The following DNAH8 variants were observed in gnomAD, a reference collection of about 807,000 sequenced individuals.
DNAH8 encodes the protein dynein axonemal heavy chain 8.
In DNAH8, 382 loss-of-function variants were observed where a neutral mutation model predicts 562.1. That is an observed-to-expected ratio of 0.68 (90% CI 0.63 to 0.74). DNAH8 has a LOEUF of 0.74. Ranked by LOEUF, DNAH8 falls within the 30% of genes least tolerant of loss-of-function variation. The probability of loss-of-function intolerance (pLI) is 0.00; values close to 1 mark genes in which losing one functional copy is unlikely to be tolerated. For synonymous variants in DNAH8, 1,881 were observed against 1,919.4 expected, an observed-to-expected ratio of 0.98 and a Z score of 0.52; for missense variants, 5,203 against 5,620.4, an observed-to-expected ratio of 0.93 and a Z score of 2.37.
chr6:38,834,505 T>C, intron 31 of DNAH8, 74 bp from the exon 32 acceptor site: 3 of 1,012,734 alleles, frequency 3.0e-6, no homozygotes, highest in Non-Finnish European at 4.4e-6. Context: ...TAAATGGAAA[T>C]AATAGATAAA....
At chr6:38,942,460 G>C (rs548520025) in intron 79 of DNAH8, among the ~76,000 whole-genome samples, 15 of 152,298 alleles carry the variant, frequency 9.8e-5, no homozygotes, top group Admixed American at 7.2e-4. Flanking sequence ...CCTCCTGAGG[G>C]AGCTGAGAAG....
chr6:38,801,488 C>T (rs1329617422), intron 21 of DNAH8, among the ~76,000 whole-genome samples: 1 of 152,192 alleles, frequency 6.6e-6, no homozygotes, highest in Non-Finnish European at 1.5e-5. Context: ...ATTAGTGTGT[C>T]TGGTTCCTGA....
At chr6:38,903,193 G>A (rs1215628293) in intron 62 of DNAH8, among the ~76,000 whole-genome samples, 1 of 152,140 alleles carries the variant, frequency 6.6e-6, no homozygotes, top group Non-Finnish European at 1.5e-5. Context: ...GAATACCTGA[G>A]GCTGTGTAAT....
In DNAH8 at chr6:38,967,617, TA is replaced by T. The variant is rs201591966; in HGVS notation, c.12452-3969del. On this transcript the variant is annotated intron_variant, in intron 82 of 92. Transcript: ENST00000327475. Reference sequence around the variant, plus strand: ...TACATTGAAAACTAAAAAACATCATTAAAAAATTAAATACCTAAATAAATGG... The same window carrying T: ...TACATTGAAAACTAAAAAACATCATTAAAAATTAAATACCTAAATAAATGG... 4.2e-3 allele frequency among the ~76,000 whole-genome samples: 641 copies of T among 152,144 alleles called. 6 individuals carry two copies. Among genetic ancestry groups the T allele is most frequent in the African/African-American group, 0.015 (614 of 41,536 alleles).
At chr6:38,722,189 T>C (rs1427706442) in intron 1 of DNAH8, among the ~76,000 whole-genome samples, 1 of 152,220 alleles carries the variant, frequency 6.6e-6, no homozygotes, top group Non-Finnish European at 1.5e-5. Flanking sequence ...CTTTTCAGTG[T>C]GAACTTTCTG....
chr6:38,991,940 A>G (rs1002072017), intron 88 of DNAH8, among the ~76,000 whole-genome samples: 3 of 150,988 alleles, frequency 2.0e-5, no homozygotes, highest in South Asian at 2.1e-4. Flanking sequence ...TCTTCTCTAT[A>G]GTTTGTATCA....
chr6:38,915,540 A>AT (rs1781248570), intron 68 of DNAH8, among the ~76,000 whole-genome samples, 163 bp downstream of exon 68: 1 of 152,130 alleles, frequency 6.6e-6, no homozygotes, highest in African/African-American at 2.4e-5. Context: ...CTAAGTTCTA[A>AT]TTTTTTTAAA....
chr6:38,992,158 G>T (rs1042337382), intron 88 of DNAH8, among the ~76,000 whole-genome samples: 4 of 152,124 alleles, frequency 2.6e-5, no homozygotes, highest in Admixed American at 6.5e-5. Context: ...GTAGAGACAG[G>T]GTTTCTCCAT....
At position 38,875,612 on chromosome 6, in the gene DNAH8, T is replaced by C. The variant is rs759956029; in HGVS notation, c.7642T>C (p.Leu2548=). ...TCAGTCTCTCAATCTTCTGGAAGGGTTAATTCCCTCCAAAGAAGAAGGCGG... is the reference window on the plus strand; with the variant it reads ...TCAGTCTCTCAATCTTCTGGAAGGGCTAATTCCCTCCAAAGAAGAAGGCGG... ...IVQSLNLLEG[L]IPSKEEGGVS... The change falls in exon 53 of 93, where the codon TTA becomes CTA. Residue 2548 remains leucine, a synonymous_variant. Transcript: ENST00000327475. 6.2e-7 allele frequency: 1 copy of C among 1,609,440 alleles called. No homozygotes were observed. The highest frequency in any genetic ancestry group is 2.2e-5 in the East Asian group (1 of 44,786).
chr6:38,881,550 T>G (rs1461072946), intron 53 of DNAH8, among the ~76,000 whole-genome samples: 1 of 27,196 alleles, frequency 3.7e-5, no homozygotes, highest in Non-Finnish European at 7.0e-5. Flanking sequence ...GAAATCAATG[T>G]TTTTTTTTTT....
chr6:38,812,168 C>T (rs2150314752), intron 24 of DNAH8, among the ~76,000 whole-genome samples: 1 of 152,274 alleles, frequency 6.6e-6, no homozygotes, highest in East Asian at 1.9e-4. Context: ...CCTCTATATT[C>T]CACCAGAGCC....
At chr6:38,819,357 T>C (rs1419589005) in intron 26 of DNAH8, among the ~76,000 whole-genome samples, 1 of 152,204 alleles carries the variant, frequency 6.6e-6, no homozygotes, top group Admixed American at 6.5e-5. Context: ...GACTAATCTA[T>C]TGGTAACATT....
intron 79 of DNAH8, among the ~76,000 whole-genome samples, chr6:38,944,789 C>T (rs538405042): frequency 1.1e-4 from 17 of 152,190 alleles, no homozygotes; most frequent in African/African-American, 3.1e-4. Flanking sequence ...ACCTGGAGGG[C>T]GCTCAATAAA....
intron 4 of DNAH8, among the ~76,000 whole-genome samples, chr6:38,731,142 CAGTTCCTATTGT>C (rs1364580126): frequency 6.6e-6 from 1 of 152,200 alleles, no homozygotes; most frequent in African/African-American, 2.4e-5. Flanking sequence ...CTGTCTCTCA[CAGTTCCTATTGT>C]AGGAGGATTA....
intron 8 of DNAH8, among the ~76,000 whole-genome samples, chr6:38,743,367 CCTTT>C (rs983152783): frequency 1.3e-5 from 2 of 151,982 alleles, no homozygotes; most frequent in African/African-American, 4.8e-5. Flanking sequence ...CCAATTTTCC[CCTTT>C]CTTTTTTTGC....
In DNAH8 at chr6:38,909,696, G is replaced by A; in HGVS notation, c.9692G>A (p.Gly3231Asp). ...AAAAGACAAGTTGTAGAAACAATGG[G>A]CCTGTTTCATGACATGGTTTCAGAG... is the stretch of plus-strand genomic sequence containing the variant. Reference protein sequence around the residue: ...EIKRQVVETMGLFHDMVSESC... With the variant: ...EIKRQVVETMDLFHDMVSESC... The change falls in exon 65 of 93, where the codon GGC (glycine) becomes GAC (aspartate). Residue 3231 changes from glycine (G) to aspartate (D), a missense_variant. Around this residue, in one of 6 missense-constraint regions of DNAH8, gnomAD observed 977 missense variants for 1,061.8 expected, o/e 0.92. Coordinates refer to ENST00000327475, the MANE Select transcript of DNAH8 (RefSeq NM_001206927.2). The A allele has an allele frequency of 6.2e-7, 1 of 1,614,078 alleles. No homozygotes were observed.
At chr6:38,914,112 A>G (rs532980050) in intron 67 of DNAH8, among the ~76,000 whole-genome samples, 160 bp downstream of exon 67, 2 of 152,312 alleles carry the variant, frequency 1.3e-5, no homozygotes, top group Admixed American at 6.5e-5. Flanking sequence ...TTTAACTTAT[A>G]CCAGCGTATA....
intron 89 of DNAH8, 63 bp from the exon 90 acceptor site, chr6:39,012,152 G>A (rs1185571257): frequency 8.3e-7 from 1 of 1,198,872 alleles, no homozygotes; most frequent in Admixed American, 2.0e-5. Context: ...GAAAGAAGAG[G>A]TTATTGGAAG....
chr6:38,855,685 A>G (rs1434005728), intron 41 of DNAH8, among the ~76,000 whole-genome samples: 1 of 152,154 alleles, frequency 6.6e-6, no homozygotes, highest in African/African-American at 2.4e-5. Context: ...ACTATAGGTT[A>G]TTCTTAACTA....
Sources: allele counts gnomAD v4.1 joint callset (sites outside exome capture counted in the v4.1 genomes callset), GRCh38; gene constraint gnomAD v4.1.1; regional missense constraint gnomAD v4.1.1; transcripts MANE v1.5; gene names NCBI Gene and HGNC (gene_info 2026-07-23, HGNC 2026-07-21).